The following SPPL2B variants were observed in gnomAD, a reference collection of about 807,000 sequenced individuals.
The protein encoded by SPPL2B is signal peptide peptidase like 2B, also known as signal peptide peptidase-like 2B.
A neutral mutation model predicts 59.7 loss-of-function variants in SPPL2B; 39 were observed. The ratio of observed to expected loss-of-function variants is 0.65; its 90% CI spans 0.51 to 0.85. SPPL2B has a LOEUF of 0.85. Ranked by LOEUF, SPPL2B falls within the 40% of genes least tolerant of loss-of-function variation. The pLI, the probability that SPPL2B is intolerant of heterozygous loss-of-function variation, is 0.00. For missense variants in SPPL2B, 865 were observed against 849.0 expected (o/e 1.02, Z -0.23); for synonymous variants, 419 against 370.8 (o/e 1.13, Z -1.49).
chr19:2,341,423 C>T (rs1269014951), intron 8 of SPPL2B: 2 of 459,526 alleles, frequency 4.4e-6, no homozygotes, highest in African/African-American at 2.0e-5. Flanking sequence ...TTGGTCATGA[C>T]TGCTGCGGCT....
intron 3 of SPPL2B, 157 bp downstream of exon 3, chr19:2,337,782 A>C (rs754082870): frequency 1.5e-5 from 11 of 743,876 alleles, no homozygotes; most frequent in Admixed American, 3.4e-5. Flanking sequence ...CATGGGGAGG[A>C]TCCGGGCCGA....
intron 1 of SPPL2B, among the ~76,000 whole-genome samples, chr19:2,331,436 G>T (rs1968288512): frequency 6.6e-6 from 1 of 152,142 alleles, no homozygotes; most frequent in Admixed American, 6.5e-5. Context: ...ATTTCGGTGG[G>T]CCTGTCTAGA....
chr19:2,337,604 C>A lies in SPPL2B; in HGVS notation c.348C>A (p.Leu116=). ...LAQGSGARGL[L]IVSRERLVPP... is the part of the protein sequence containing the mutation. ...AGGGCAGCGGAGCACGCGGGCTGCT[C>A]ATCGTCAGCAGGGAGAGGCTGGTAC... is the stretch of plus-strand genomic sequence containing the variant. Residue 116 remains leucine, a synonymous_variant, in exon 3 of 15, where the codon CTC becomes CTA. Transcript: ENST00000613503. The A allele has an allele frequency of 1.3e-6, 2 of 1,588,338 alleles. No individual in the cohort carries two copies. Among genetic ancestry groups the A allele is most frequent in the South Asian group, 2.2e-5 (2 of 89,376 alleles).
At chr19:2,344,141 G>GCCCCCTCGT (rs1969224635) in intron 10 of SPPL2B, 102 bp downstream of exon 10, 2 of 445,234 alleles carry the variant, frequency 4.5e-6, no homozygotes. Context: ...CCCTCGTCCC[G>GCCCCCTCGT]CCCCCTCGTC....
At position 2,344,419 on chromosome 19, in the gene SPPL2B, G is replaced by A; in HGVS notation, c.1171G>A (p.Glu391Lys). The A allele has an allele frequency of 7.6e-6, 12 of 1,569,738 alleles. No individual in the cohort carries two copies. The highest frequency in any genetic ancestry group is 1.0e-5 in the Non-Finnish European group (12 of 1,157,982). ...ATGPSDSATR[E>K]KLPMVLKVPR... ...TGGGCCCTCGGACTCAGCCACCCGT[G>A]AGAAGGTGTGTCTTCTGACTGCAGG... The change falls in exon 11 of 15, where the codon GAG (glutamate) becomes AAG (lysine). Residue 391 changes from glutamate to lysine, a missense_variant. Transcript: ENST00000613503.
chr19:2,330,164 A>G (rs1333775025), intron 1 of SPPL2B: 1 of 151,396 alleles, frequency 6.6e-6, no homozygotes, highest in African/African-American at 2.4e-5. Flanking sequence ...GCTGGAGTGC[A>G]GTGGCATGAT....
At chr19:2,336,473 ATGAG>A (rs1345630842) in intron 2 of SPPL2B, among the ~76,000 whole-genome samples, 6 of 151,394 alleles carry the variant, frequency 4.0e-5, no homozygotes, top group Non-Finnish European at 8.8e-5. Flanking sequence ...GTGTGTGTGC[ATGAG>A]TGTGTGTGAG....
chr19:2,350,116 C>A lies in SPPL2B; in HGVS notation c.1355-1318C>A, dbSNP rs57678395. ...TGTTCTCTCTCTCCACACACACTCG[C>A]GCTCTCATTTGCTTGATTCCGTTCT... On this transcript the variant is annotated intron_variant, in intron 13 of 14. Transcript: ENST00000613503. 8.9e-5 allele frequency among the ~76,000 whole-genome samples: 12 copies of A among 134,256 alleles called. No homozygotes were observed. The South Asian group carries it at 1.5e-3, about 17-fold the overall frequency. The allele number at this position is 134,256 out of a possible 152,430, so 88.1% of individuals were successfully genotyped here.
At chr19:2,337,183 G>T (rs376611976) in intron 2 of SPPL2B, 4 of 381,732 alleles carry the variant, frequency 1.0e-5, no homozygotes, top group Non-Finnish European at 1.9e-5. Flanking sequence ...GACGGCTCGC[G>T]GGGTGGCTCA....
chr19:2,339,996 C>T (rs752078524), intron 6 of SPPL2B, 30 bp downstream of exon 6: 14 of 1,552,832 alleles, frequency 9.0e-6, no homozygotes, highest in Middle Eastern at 1.7e-4. Context: ...TGGGCCGCGG[C>T]GTGGAGATGC....
chr19:2,328,837 G>A (rs1055273187), intron 1 of SPPL2B, 62 bp downstream of exon 1: 138 of 1,295,772 alleles, frequency 1.1e-4, no homozygotes, highest in Non-Finnish European at 1.4e-4. Flanking sequence ...CTCTGTCCCC[G>A]GGCTACGCGC....
intron 13 of SPPL2B, among the ~76,000 whole-genome samples, chr19:2,346,478 C>T (rs2145186813): frequency 6.6e-6 from 1 of 152,324 alleles, no homozygotes; most frequent in South Asian, 2.1e-4. Flanking sequence ...CCAGCCTGGG[C>T]AACATAGTAA....
chr19:2,340,169 G>A lies in SPPL2B; in HGVS notation c.836G>A (p.Cys279Tyr). The A allele has an allele frequency of 1.3e-6, 2 of 1,565,466 alleles. No individual in the cohort carries two copies. Among genetic ancestry groups the A allele is most frequent in the Non-Finnish European group, 1.7e-6 (2 of 1,163,034 alleles). ...GTGCGGCGGCTGCCCTTCGGCAAGT[G>A]CAGGTGAGTCTGCCCTGCTGGCCCC... ...PCVRRLPFGK[C>Y]RIPNNSLPYF... is the part of the protein sequence containing the mutation. Residue 279 changes from cysteine to tyrosine, a missense_variant, in exon 7 of 15, where the codon TGC becomes TAC. Transcript: ENST00000613503.
chr19:2,348,727 C>T (rs1180595724), intron 13 of SPPL2B, among the ~76,000 whole-genome samples: 1 of 64,780 alleles, frequency 1.5e-5, no homozygotes. Context: ...CTCACGCTCT[C>T]ATTCGCTTGA....
intron 3 of SPPL2B, chr19:2,338,422 G>GTAT: frequency 4.7e-6 from 1 of 213,610 alleles, no homozygotes. Context: ...GCTCAAGGCG[G>GTAT]CTTAGTGGGC....
At chr19:2,341,654 C>T (rs1031563226) in intron 8 of SPPL2B, 40 of 454,840 alleles carry the variant, frequency 8.8e-5, no homozygotes, top group Non-Finnish European at 1.5e-4. Context: ...CAGCCAAGTA[C>T]GCTTGGCTTT....
At chr19:2,343,153 G>A (rs1431329666) in intron 8 of SPPL2B, 58 bp from the exon 9 acceptor site, 21 of 1,406,378 alleles carry the variant, frequency 1.5e-5, no homozygotes, top group Middle Eastern at 2.0e-4. Flanking sequence ...CGTGGGAGGC[G>A]GCGTCCTGGG....
chr19:2,331,719 T>A (rs955161680), intron 1 of SPPL2B, among the ~76,000 whole-genome samples: 3 of 152,168 alleles, frequency 2.0e-5, no homozygotes, highest in Non-Finnish European at 4.4e-5. Context: ...TTCACCAGAG[T>A]CCCTGATCCC....
At chr19:2,341,800 T>TA in intron 8 of SPPL2B, 3 of 363,936 alleles carry the variant, frequency 8.2e-6, no homozygotes, top group South Asian at 5.9e-5. Flanking sequence ...CACATGAAGT[T>TA]AGAGCAGGCC....
Sources: gnomAD v4.1 joint callset for allele counts (sites outside exome capture counted in the v4.1 genomes callset) on GRCh38, gnomAD v4.1.1 for gene constraint, MANE v1.5 for transcripts, NCBI Gene and HGNC (gene_info 2026-07-23, HGNC 2026-07-21) for gene names.